The following ZIM2 variants were observed in gnomAD, a reference collection of about 807,000 sequenced individuals.
ZIM2 encodes zinc finger protein 656.
Under a neutral mutation model 38.6 loss-of-function variants are expected in ZIM2, and 14 were observed. The observed-to-expected ratio is 0.36, with a 90% confidence interval of 0.24 to 0.57. ZIM2 has a LOEUF of 0.57. Among genes scored for constraint, ZIM2 ranks in the 20% least tolerant of loss-of-function variants. The pLI, the probability that ZIM2 is intolerant of heterozygous loss-of-function variation, is 0.81. For synonymous variants in ZIM2, 247 were observed against 245.8 expected (o/e 1.00, Z -0.04); for missense variants, 680 against 695.1 (o/e 0.98, Z 0.24).
rs1301433720 is a variant in ZIM2, at chr19:56,795,078, A to G, written c.491-5127T>C. Among the ~76,000 whole-genome samples the G allele has an allele frequency of 4.0e-5, 6 of 150,932 alleles. No individual in the cohort carries two copies. In the East Asian group the frequency reaches 1.2e-3, roughly 30 times the overall value. The stretch of plus-strand genomic sequence containing the variant: ...TTTCTTTTTTTTCTTTTTTTGAGGC[A>G]GAGTCTCGCTCAGTCGCCCAGGCTG... On this transcript the variant is annotated intron_variant, in intron 9 of 12. Transcript: ENST00000629319.
chr19:56,823,736 C>T (rs541231791), intron 4 of ZIM2, 57 bp from the exon 5 acceptor site: 36 of 1,582,236 alleles, frequency 2.3e-5, no homozygotes, highest in African/African-American at 2.1e-4. Flanking sequence ...CACAATAGTT[C>T]CCCCCAATCC....
chr19:56,800,882 GTCTT>G (rs2047488453), intron 9 of ZIM2, among the ~76,000 whole-genome samples: 1 of 151,272 alleles, frequency 6.6e-6, no homozygotes, highest in Non-Finnish European at 1.5e-5. Context: ...ATTCATAATA[GTCTT>G]TCTGAGATTG....
At chr19:56,822,861 G>A (rs1435917552) in intron 5 of ZIM2, 25 bp from the exon 6 acceptor site, 2 of 1,607,716 alleles carry the variant, frequency 1.2e-6, no homozygotes, top group Admixed American at 3.4e-5. Flanking sequence ...CATTCCAGTG[G>A]TTAACAAAGC....
At chr19:56,800,436 T>C (rs897973565) in intron 9 of ZIM2, among the ~76,000 whole-genome samples, 1 of 152,174 alleles carries the variant, frequency 6.6e-6, no homozygotes, top group Non-Finnish European at 1.5e-5. Context: ...CAGTTCAAGA[T>C]TTATTGCTTC....
chr19:56,809,156 C>T (rs910525140), intron 9 of ZIM2, among the ~76,000 whole-genome samples: 6 of 152,040 alleles, frequency 3.9e-5, no homozygotes, highest in African/African-American at 1.4e-4. Context: ...TTAGGAAATC[C>T]ATCCTTAAAA....
intron 7 of ZIM2, among the ~76,000 whole-genome samples, chr19:56,819,639 G>C (rs1212917743): frequency 6.6e-6 from 1 of 152,146 alleles, no homozygotes; most frequent in African/African-American, 2.4e-5. Flanking sequence ...CCTTGGGAAC[G>C]GAAATCTTTT....
At chr19:56,789,160 A>T (rs1363488873) in intron 10 of ZIM2, among the ~76,000 whole-genome samples, 1 of 152,150 alleles carries the variant, frequency 6.6e-6, no homozygotes, top group African/African-American at 2.4e-5. Context: ...CTTAAATATG[A>T]AACATTGCAT....
intron 9 of ZIM2, chr19:56,799,611 A>C (rs868638346): frequency 6.6e-6 from 1 of 152,118 alleles, no homozygotes; most frequent in Admixed American, 6.5e-5. Flanking sequence ...TTAAAATAAA[A>C]GTTGGAAATA....
intron 4 of ZIM2, 75 bp from the exon 5 acceptor site, chr19:56,823,754 G>T: frequency 1.3e-6 from 2 of 1,510,972 alleles, no homozygotes; most frequent in Non-Finnish European, 1.8e-6. Context: ...TCCCTGAGCC[G>T]CATCTCCCTG....
chr19:56,817,152 G>T, intron 9 of ZIM2: 1 of 1,614,144 alleles, frequency 6.2e-7, no homozygotes, highest in Non-Finnish European at 8.5e-7. Flanking sequence ...GGCTGCTCAG[G>T]CTGCTCACGC....
chr19:56,790,182 C>T, intron 9 of ZIM2: 2 of 385,082 alleles, frequency 5.2e-6, no homozygotes, highest in African/African-American at 2.0e-5. Flanking sequence ...CACTGCCTTC[C>T]AAATAAAGTG....
chr19:56,780,688 CCTAT>C (rs2046290402), intron 11 of ZIM2, among the ~76,000 whole-genome samples: 1 of 152,110 alleles, frequency 6.6e-6, no homozygotes, highest in African/African-American at 2.4e-5. Flanking sequence ...GCTTCTGTTG[CCTAT>C]CTAACATTCA....
chr19:56,775,469 G>C lies in ZIM2; in HGVS notation c.896C>G (p.Pro299Arg). 1 of 1,613,862 alleles carries C rather than the reference G, an allele frequency of 6.2e-7. No homozygotes were observed. Among genetic ancestry groups the C allele is most frequent in the South Asian group, 1.1e-5 (1 of 91,052 alleles). Residue 299 changes from proline (P) to arginine (R), a missense_variant, in exon 13 of 13, where the codon CCT becomes CGT. Physicochemically the swap from Pro to Arg is moderately radical, Grantham distance 103. Coordinates refer to ENST00000629319, the MANE Select transcript of ZIM2 (RefSeq NM_001387356.1). ...GGTCTTGGGGTCATTCATTGTTATAGGAGTCAAAAGTTTCTCTTGGTTGCC... is the reference window on the plus strand; with the variant it reads ...GGTCTTGGGGTCATTCATTGTTATACGAGTCAAAAGTTTCTCTTGGTTGCC... ...HQGNQEKLLT[P>R]ITMNDPKTLT...
At chr19:56,798,221 A>G (rs1250361794) in intron 9 of ZIM2, 1 of 152,190 alleles carries the variant, frequency 6.6e-6, no homozygotes, top group African/African-American at 2.4e-5. Flanking sequence ...ACACGTTCCA[A>G]TTTTGTTGGA....
chr19:56,816,099 G>C (rs979841368), intron 9 of ZIM2: 16 of 1,610,256 alleles, frequency 9.9e-6, no homozygotes, highest in South Asian at 3.3e-5. Flanking sequence ...CAGAGGCTAA[G>C]CTATGAATAA....
chr19:56,790,272 A>G (rs1488146890), intron 9 of ZIM2, among the ~76,000 whole-genome samples: 1 of 152,198 alleles, frequency 6.6e-6, no homozygotes, highest in East Asian at 1.9e-4. Flanking sequence ...TCAACTGTAA[A>G]GCAGAAATAA....
At chr19:56,793,223 T>G (rs1312058807) in intron 9 of ZIM2, 1 of 152,676 alleles carries the variant, frequency 6.5e-6, no homozygotes, top group Admixed American at 6.5e-5. Flanking sequence ...TGAGGCCCAT[T>G]CACTGACAGG....
At chr19:56,818,510 G>C in intron 8 of ZIM2, 90 bp downstream of exon 8, 1 of 1,311,032 alleles carries the variant, frequency 7.6e-7, no homozygotes, top group Non-Finnish European at 1.1e-6. Context: ...ATATATTAAT[G>C]TGGACTCTAA....
At chr19:56,816,392 G>A (rs1169442588) in intron 9 of ZIM2, 3 of 1,613,924 alleles carry the variant, frequency 1.9e-6, no homozygotes, top group East Asian at 4.5e-5. Context: ...AAGTCACAGA[G>A]CTTCTCCTTA....
Sources: gnomAD v4.1 joint callset for allele counts (sites outside exome capture counted in the v4.1 genomes callset) on GRCh38, gnomAD v4.1.1 for gene constraint, MANE v1.5 for transcripts, NCBI Gene and HGNC (gene_info 2026-07-23, HGNC 2026-07-21) for gene names.